SOX5: variants seen among roughly 807,000 people sequenced by gnomAD.
SOX5 encodes the protein SRY-box transcription factor 5.
SOX5 carries 9 observed loss-of-function variants against 92.0 expected under a neutral mutation model. That is an observed-to-expected ratio of 0.10 (90% CI 0.06 to 0.17). The LOEUF (loss-of-function observed/expected upper bound fraction) is 0.17. SOX5 is among the 10% of genes least tolerant of loss of function. The probability of loss-of-function intolerance (pLI) is 1.00; values close to 1 mark genes in which losing one functional copy is unlikely to be tolerated. For synonymous variants in SOX5, 344 were observed against 336.3 expected, an observed-to-expected ratio of 1.02 and a Z score of -0.25; for missense variants, 642 against 944.5, an observed-to-expected ratio of 0.68 and a Z score of 4.20.
chr12:24,504,317 A>G (rs1948511094), intron 1 of SOX5, among the ~76,000 whole-genome samples: 2 of 152,214 alleles, frequency 1.3e-5, no homozygotes, highest in Admixed American at 1.3e-4. Flanking sequence ...GAGCCCCAGT[A>G]AAATCTTTAC....
chr12:23,946,363 G>C (rs1944588280), intron 1 of SOX5, among the ~76,000 whole-genome samples: 3 of 151,938 alleles, frequency 2.0e-5, no homozygotes. Context: ...AAAGCAATTA[G>C]AAACTGTAAC....
At chr12:23,981,572 A>C (rs1014227228) in intron 4 of SOX5, among the ~76,000 whole-genome samples, 1 of 152,104 alleles carries the variant, frequency 6.6e-6, no homozygotes, top group African/African-American at 2.4e-5. Context: ...ACTTATGAAG[A>C]GCTTGGTTTT....
chr12:23,741,143 C>T (rs145554248), intron 4 of SOX5, 104 bp from the exon 5 acceptor site: 50 of 756,320 alleles, frequency 6.6e-5, no homozygotes, highest in East Asian at 5.7e-4. Flanking sequence ...ATATAAAGTT[C>T]AATAAACACA....
At chr12:23,833,344 A>C (rs1245569068) in intron 3 of SOX5, among the ~76,000 whole-genome samples, 3 of 152,024 alleles carry the variant, frequency 2.0e-5, no homozygotes, top group African/African-American at 7.2e-5. Flanking sequence ...CATAAGAAAT[A>C]CAAACTGTCT....
chr12:24,541,995 T>A (rs1952173248), intron 1 of SOX5, among the ~76,000 whole-genome samples: 1 of 152,214 alleles, frequency 6.6e-6, no homozygotes, highest in African/African-American at 2.4e-5. Flanking sequence ...CACTACCTGA[T>A]GTCCCTTCAT....
intron 1 of SOX5, among the ~76,000 whole-genome samples, chr12:23,947,077 G>A (rs1944709825): frequency 6.6e-6 from 1 of 151,766 alleles, no homozygotes; most frequent in African/African-American, 2.4e-5. Flanking sequence ...AGTTCAAATA[G>A]TCTACAGGCT....
At chr12:23,941,476 G>C (rs1344092532) in intron 1 of SOX5, among the ~76,000 whole-genome samples, 2 of 151,092 alleles carry the variant, frequency 1.3e-5, no homozygotes, top group African/African-American at 4.8e-5. Context: ...TAATCCTTAG[G>C]GTCCTAAAAA....
intron 4 of SOX5, among the ~76,000 whole-genome samples, chr12:24,061,327 C>T (rs1939658406): frequency 6.6e-6 from 1 of 152,106 alleles, no homozygotes; most frequent in African/African-American, 2.4e-5. Flanking sequence ...TTCTTCCAAG[C>T]TAATCTTAGC....
At chr12:24,276,276 TACTG>T (rs1363119373) in intron 3 of SOX5, among the ~76,000 whole-genome samples, 4 of 152,158 alleles carry the variant, frequency 2.6e-5, no homozygotes, top group African/African-American at 9.6e-5. Context: ...ATTTTAATAA[TACTG>T]TTTGGGATTT....
At chr12:23,980,242 AAACT>A (rs1193321183) in intron 4 of SOX5, among the ~76,000 whole-genome samples, 7 of 152,174 alleles carry the variant, frequency 4.6e-5, no homozygotes, top group Non-Finnish European at 7.3e-5. Flanking sequence ...AATAGTAAGT[AAACT>A]AAGTTTCTGA....
intron 1 of SOX5, among the ~76,000 whole-genome samples, chr12:24,533,989 C>T (rs1951415283): frequency 1.3e-5 from 2 of 152,126 alleles, no homozygotes; most frequent in African/African-American, 4.8e-5. Flanking sequence ...CCAAAGGAGG[C>T]TCAGATCCCA....
intron 2 of SOX5, among the ~76,000 whole-genome samples, chr12:24,324,741 T>C (rs1218612901): frequency 2.0e-5 from 3 of 152,098 alleles, no homozygotes; most frequent in East Asian, 3.9e-4. Flanking sequence ...TCTTTGTATG[T>C]AAAAAGGAAA....
At chr12:23,931,022 G>A (rs1941289678) in intron 1 of SOX5, among the ~76,000 whole-genome samples, 1 of 151,602 alleles carries the variant, frequency 6.6e-6, no homozygotes, top group Non-Finnish European at 1.5e-5. Flanking sequence ...CAAACCATAA[G>A]CTTCATAGGG....
At chr12:24,016,832 T>C (rs1486810543) in intron 4 of SOX5, among the ~76,000 whole-genome samples, 2 of 152,120 alleles carry the variant, frequency 1.3e-5, no homozygotes, top group Non-Finnish European at 2.9e-5. Flanking sequence ...AAACCAAGGA[T>C]TAGTGTGGTC....
chr12:24,176,818 C>G (rs1010521604), intron 4 of SOX5, among the ~76,000 whole-genome samples: 1 of 152,140 alleles, frequency 6.6e-6, no homozygotes, highest in African/African-American at 2.4e-5. Context: ...ATTCCCCATC[C>G]CTCCTAACAC....
intron 2 of SOX5, among the ~76,000 whole-genome samples, chr12:24,316,674 A>T (rs1157666036): frequency 6.6e-6 from 1 of 152,238 alleles, no homozygotes; most frequent in African/African-American, 2.4e-5. Context: ...GACTGTGCCA[A>T]CTATATTTAA....
chr12:24,152,762 T>C (rs1405209773), intron 4 of SOX5, among the ~76,000 whole-genome samples: 4 of 152,114 alleles, frequency 2.6e-5, no homozygotes, highest in African/African-American at 7.2e-5. Context: ...CAGGATAGTA[T>C]TGTTTTATTT....
At chr12:24,427,284 A>G (rs975622948) in intron 1 of SOX5, among the ~76,000 whole-genome samples, 32 of 152,196 alleles carry the variant, frequency 2.1e-4, no homozygotes, top group African/African-American at 7.7e-4. Context: ...CCCCTACAGC[A>G]CCAAGAAGAG....
chr12:24,415,185 G>A (rs1212250074), intron 1 of SOX5, among the ~76,000 whole-genome samples: 15 of 152,126 alleles, frequency 9.9e-5, no homozygotes, highest in Admixed American at 9.8e-4. Context: ...ATGAACTAAA[G>A]GTAGTTATAC....
Sources: allele counts gnomAD v4.1 joint callset (sites outside exome capture counted in the v4.1 genomes callset), GRCh38; gene constraint gnomAD v4.1.1; transcripts MANE v1.5; gene names NCBI Gene and HGNC (gene_info 2026-07-23, HGNC 2026-07-21).